The following SLC4A8 variants were observed in gnomAD, a reference collection of about 807,000 sequenced individuals.
SLC4A8 encodes solute carrier family 4 member 8, also known as electroneutral sodium bicarbonate exchanger 1.
Under a neutral mutation model 125.0 loss-of-function variants are expected in SLC4A8, and 40 were observed. The ratio of observed to expected loss-of-function variants is 0.32; its 90% CI spans 0.25 to 0.42. SLC4A8 has a LOEUF of 0.42. SLC4A8 is among the 10% of genes least tolerant of loss of function. SLC4A8 has a pLI of 1.00. For synonymous variants in SLC4A8, 456 were observed against 476.0 expected, an observed-to-expected ratio of 0.96 and a Z score of 0.55; for missense variants, 863 against 1,355.1, an observed-to-expected ratio of 0.64 and a Z score of 5.70.
rs116796087 is a variant in SLC4A8, at chr12:51,462,538, A to G, written c.1248+82A>G. The G allele has an allele frequency of 2.8e-3, 2,973 of 1,067,068 alleles. 47 individuals carry two copies. In the African/African-American group the frequency reaches 0.042, roughly 15 times the overall value. The allele number at this position is 1,067,068 out of a possible 1,614,324, so 66.1% of individuals were successfully genotyped here. A position where few individuals can be genotyped will look rare whatever the true frequency, so the allele number is the denominator to read the frequency against. On this transcript the variant is annotated intron_variant, in intron 10 of 24. Coordinates refer to ENST00000453097, the MANE Select transcript of SLC4A8 (RefSeq NM_001039960.3). ...GACAAAGCAAAGACCATGTGGGTAT[A>G]TGCTAAATATATCAAGATGCAGCTC...
intron 3 of SLC4A8, among the ~76,000 whole-genome samples, chr12:51,451,785 TA>T (rs1182189104): frequency 1.4e-3 from 200 of 140,260 alleles, no homozygotes; most frequent in Admixed American, 1.3e-3. Flanking sequence ...AAAGCAAATG[TA>T]AAAAAAAAAA....
intron 1 of SLC4A8, among the ~76,000 whole-genome samples, chr12:51,433,478 G>C (rs1767173113): frequency 6.6e-6 from 1 of 151,954 alleles, no homozygotes; most frequent in Admixed American, 6.6e-5. Context: ...TGAGTCACAA[G>C]CCCCTGTGAG....
chr12:51,490,030 G>A, intron 19 of SLC4A8, 79 bp downstream of exon 19: 1 of 1,376,960 alleles, frequency 7.3e-7, no homozygotes, highest in Non-Finnish European at 1.0e-6. Flanking sequence ...TGGAAATACA[G>A]TGGTGCCAAA....
chr12:51,449,965 G>A (rs749558084), intron 2 of SLC4A8, among the ~76,000 whole-genome samples: 1 of 152,090 alleles, frequency 6.6e-6, no homozygotes. Flanking sequence ...GGAGTTCAAG[G>A]CTACAGTAAG....
rs566762753 is a variant in SLC4A8 at position 51,417,752 on chromosome 12, G to A, written c.-111-22956G>A. On this transcript the variant is annotated intron_variant, in intron 1 of 24. Coordinates refer to the SLC4A8 transcript ENST00000358657. ...AGGCTGGTCTCGAACTCCTGACCTC[G>A]TGATCTGCCCACCTCAGCCTCCCAA... Among the ~76,000 whole-genome samples, 160 of 152,136 alleles carry A rather than the reference G, an allele frequency of 1.1e-3. 1 individual carries two copies. The highest frequency in any genetic ancestry group is 3.6e-3 in the African/African-American group (151 of 41,524).
At chr12:51,473,814 G>A (rs1437448009) in intron 14 of SLC4A8, among the ~76,000 whole-genome samples, 1 of 152,172 alleles carries the variant, frequency 6.6e-6, no homozygotes, top group Non-Finnish European at 1.5e-5. Flanking sequence ...AGGTAGTGGG[G>A]TATTACCAAA....
intron 1 of SLC4A8, among the ~76,000 whole-genome samples, chr12:51,432,762 A>C (rs1235820019): frequency 6.6e-6 from 1 of 152,054 alleles, no homozygotes; most frequent in Non-Finnish European, 1.5e-5. Context: ...AATCATCTCT[A>C]TATTTATTGA....
intron 18 of SLC4A8, 107 bp downstream of exon 18, chr12:51,488,967 A>T (rs1951232037): frequency 1.3e-6 from 1 of 766,488 alleles, no homozygotes; most frequent in African/African-American, 1.8e-5. Flanking sequence ...CTCATAGAAG[A>T]GGTTCATAAG....
chr12:51,405,528 A>C (rs1178047010), intron 1 of SLC4A8, among the ~76,000 whole-genome samples: 3 of 151,940 alleles, frequency 2.0e-5, no homozygotes, highest in Non-Finnish European at 2.9e-5. Flanking sequence ...ACCGCTGTAA[A>C]CCCCCTTTAT....
chr12:51,479,455 G>A (rs748650808), intron 16 of SLC4A8, among the ~76,000 whole-genome samples: 20 of 152,132 alleles, frequency 1.3e-4, no homozygotes, highest in Admixed American at 2.6e-4. Flanking sequence ...GGGAGGCCAA[G>A]GTGGGTGGAT....
At chr12:51,486,217 A>C (rs1218864567) in intron 17 of SLC4A8, among the ~76,000 whole-genome samples, 1 of 152,210 alleles carries the variant, frequency 6.6e-6, no homozygotes, top group Non-Finnish European at 1.5e-5. Context: ...AAATATATTC[A>C]AGACACTGTG....
chr12:51,407,412 T>C (rs1284758965), intron 1 of SLC4A8, among the ~76,000 whole-genome samples: 2 of 151,762 alleles, frequency 1.3e-5, no homozygotes, highest in South Asian at 2.1e-4. Context: ...TGCATCACCA[T>C]ACCTGGCTAA....
rs1156347688 is a variant in SLC4A8, at chr12:51,515,184, T to C, written c.*7746T>C. ...ACATGCAGGCTTTTCACATGTGCAA[T>C]AATGCTGGAAACAGAAGCACCAAAC... On this transcript the variant is annotated 3_prime_UTR_variant, in exon 25 of 25. Transcript: ENST00000453097. The C allele has an allele frequency of 1.3e-5, 2 of 152,210 alleles. No individual in the cohort carries two copies. Among genetic ancestry groups the C allele is most frequent in the African/African-American group, 4.8e-5 (2 of 41,454 alleles). 9.4% of individuals were successfully genotyped at this position (152,210 alleles called of 1,614,324 possible).
chr12:51,501,427 G>C (rs754118859), intron 22 of SLC4A8, among the ~76,000 whole-genome samples: 2 of 151,984 alleles, frequency 1.3e-5, no homozygotes, highest in Non-Finnish European at 2.9e-5. Context: ...TTGTTCCTGC[G>C]TCAGTTCACT....
At chr12:51,394,665 C>A (rs1948224066) in intron 1 of SLC4A8, among the ~76,000 whole-genome samples, 1 of 152,110 alleles carries the variant, frequency 6.6e-6, no homozygotes, top group African/African-American at 2.4e-5. Context: ...AATAAAAATA[C>A]AACAGGCACG....
intron 22 of SLC4A8, among the ~76,000 whole-genome samples, chr12:51,501,580 A>G (rs1228664940): frequency 6.6e-6 from 1 of 152,120 alleles, no homozygotes; most frequent in Non-Finnish European, 1.5e-5. Context: ...GGTTGATTCC[A>G]TTTCTTTGCT....
intron 2 of SLC4A8, among the ~76,000 whole-genome samples, chr12:51,441,544 T>A (rs531892846): frequency 2.2e-4 from 33 of 152,342 alleles, no homozygotes; most frequent in Non-Finnish European, 3.5e-4. Context: ...CTAATTAGTG[T>A]TGATGCTCAG....
intron 16 of SLC4A8, among the ~76,000 whole-genome samples, chr12:51,485,192 A>G (rs1951130807): frequency 6.6e-6 from 1 of 152,212 alleles, no homozygotes; most frequent in Non-Finnish European, 1.5e-5. Context: ...GAGGAGTGAC[A>G]TGACCCAACT....
chr12:51,468,830 T>A (rs1330793384), intron 11 of SLC4A8, among the ~76,000 whole-genome samples: 2 of 152,222 alleles, frequency 1.3e-5, no homozygotes, highest in Non-Finnish European at 2.9e-5. Flanking sequence ...TCCAGCCTTG[T>A]CTATTGGCAT....
Sources: allele counts gnomAD v4.1 joint callset (sites outside exome capture counted in the v4.1 genomes callset), GRCh38; gene constraint gnomAD v4.1.1; transcripts MANE v1.5; gene names NCBI Gene and HGNC (gene_info 2026-07-23, HGNC 2026-07-21).